Variants in PTPRO observed in about 807,000 individuals in gnomAD.
PTPRO encodes the protein receptor-type tyrosine-protein phosphatase O.
PTPRO carries 62 observed loss-of-function variants against 145.2 expected under a neutral mutation model. The observed-to-expected ratio is 0.43, with a 90% CI of 0.35 to 0.53. The LOEUF (loss-of-function observed/expected upper bound fraction) is 0.53, where lower values mean the gene tolerates loss of function less well. Ranked by LOEUF, PTPRO falls within the 20% of genes least tolerant of loss-of-function variation. PTPRO has a pLI of 0.01. For synonymous variants in PTPRO, 565 were observed against 514.7 expected, an observed-to-expected ratio of 1.10 and a Z score of -1.32; for missense variants, 1,345 against 1,482.7, an observed-to-expected ratio of 0.91 and a Z score of 1.53.
intron 22 of PTPRO, 99 bp downstream of exon 22, chr12:15,580,930 A>G: frequency 6.7e-7 from 1 of 1,489,636 alleles, no homozygotes; most frequent in Non-Finnish European, 9.3e-7. Flanking sequence ...AATAAAACAT[A>G]GAGACAAATC....
chr12:15,407,601 TA>T (rs2030283610), intron 1 of PTPRO, among the ~76,000 whole-genome samples: 1 of 148,700 alleles, frequency 6.7e-6, no homozygotes, highest in Non-Finnish European at 1.5e-5. Context: ...GTAACCAGCT[TA>T]TGTACTATAT....
intron 6 of PTPRO, among the ~76,000 whole-genome samples, chr12:15,507,410 A>AAAAT (rs201609031): frequency 0.31 from 38,606 of 122,670 alleles, 6,027 homozygotes; most frequent in Admixed American, 0.44. Flanking sequence ...ACTCCATCTC[A>AAAAT]AAATAAATAA....
intron 12 of PTPRO, among the ~76,000 whole-genome samples, chr12:15,545,215 G>A (rs181117571): frequency 6.6e-6 from 1 of 152,052 alleles, no homozygotes; most frequent in Admixed American, 6.5e-5. Context: ...AACAGACTTA[G>A]GAGAGTGGGG....
chr12:15,353,140 T>A (rs1396876409), intron 1 of PTPRO, among the ~76,000 whole-genome samples: 1 of 152,138 alleles, frequency 6.6e-6, no homozygotes, highest in African/African-American at 2.4e-5. Flanking sequence ...TATGTGCAGG[T>A]TACAATATCC....
chr12:15,404,188 C>CA (rs370733389), intron 1 of PTPRO, among the ~76,000 whole-genome samples: 11,071 of 49,472 alleles, frequency 0.22, 1,156 homozygotes, highest in Non-Finnish European at 0.27. Context: ...GACCCCATCT[C>CA]AAAAAAAAAA....
At chr12:15,462,789 G>A (rs1354578292) in intron 1 of PTPRO, among the ~76,000 whole-genome samples, 1 of 152,024 alleles carries the variant, frequency 6.6e-6, no homozygotes, top group East Asian at 1.9e-4. Context: ...TATTACAATT[G>A]TTATTATTCT....
chr12:15,588,259 G>A (rs2135667855), intron 24 of PTPRO, among the ~76,000 whole-genome samples: 1 of 152,318 alleles, frequency 6.6e-6, no homozygotes, highest in African/African-American at 2.4e-5. Context: ...GGAGGGAAGA[G>A]TTGTCTAGTA....
chr12:15,571,258 A>G (rs552050410), intron 19 of PTPRO, among the ~76,000 whole-genome samples: 11 of 152,112 alleles, frequency 7.2e-5, no homozygotes, highest in Non-Finnish European at 1.5e-4. Context: ...CAGTGAAACA[A>G]CAAACAACCT....
chr12:15,378,701 A>C (rs111929563), intron 1 of PTPRO, among the ~76,000 whole-genome samples: 1 of 152,160 alleles, frequency 6.6e-6, no homozygotes, highest in African/African-American at 2.4e-5. Context: ...AAATCATTCC[A>C]TGAAGCCAGT....
At chr12:15,342,017 C>G (rs902968611) in intron 1 of PTPRO, among the ~76,000 whole-genome samples, 3 of 152,186 alleles carry the variant, frequency 2.0e-5, no homozygotes, top group Non-Finnish European at 4.4e-5. Flanking sequence ...GTCTGCATCA[C>G]CTGTTTCATT....
chr12:15,349,514 A>G (rs533630301), intron 1 of PTPRO, among the ~76,000 whole-genome samples: 1 of 152,376 alleles, frequency 6.6e-6, no homozygotes, highest in East Asian at 1.9e-4. Flanking sequence ...CTGTTTTATA[A>G]TAGCCCCCAT....
chr12:15,370,870 A>G (rs1938506391), intron 1 of PTPRO, among the ~76,000 whole-genome samples: 1 of 152,220 alleles, frequency 6.6e-6, no homozygotes, highest in African/African-American at 2.4e-5. Context: ...TACTTAGGAT[A>G]TCAAAAGACT....
At position 15,524,929 on chromosome 12, in the gene PTPRO, G is replaced by A. The variant is rs767214558; in HGVS notation, c.2007G>A (p.Met669Ile). 1 of 1,614,020 alleles carries A rather than the reference G, an allele frequency of 6.2e-7. No individual in the cohort carries two copies. The highest frequency in any genetic ancestry group is 8.5e-7 in the Non-Finnish European group (1 of 1,179,956). The stretch of plus-strand genomic sequence containing the variant: ...CCCATTCTAGAATGCTTCACTGGAT[G>A]GTGGTTGCAGAAGGAAAAAAGAAAA... ...DLSHSRMLHW[M>I]VVAEGKKKIK... Residue 669 changes from methionine (M) to isoleucine (I), a missense_variant, in exon 11 of 27, where the codon ATG becomes ATA. Met to Ile is a conservative substitution (Grantham distance 10). Coordinates refer to ENST00000281171, the MANE Select transcript of PTPRO (RefSeq NM_030667.3).
chr12:15,368,766 T>A (rs532963292), intron 1 of PTPRO, among the ~76,000 whole-genome samples: 4 of 152,376 alleles, frequency 2.6e-5, no homozygotes, highest in Non-Finnish European at 4.4e-5. Context: ...AGATTTCACA[T>A]TGAGAATGTT....
chr12:15,521,717 G>A (rs1415340344), intron 10 of PTPRO, among the ~76,000 whole-genome samples: 1 of 152,142 alleles, frequency 6.6e-6, no homozygotes, highest in African/African-American at 2.4e-5. Context: ...GATTAGTAGA[G>A]CAAAACTTAA....
chr12:15,373,576 G>A (rs1938594175), intron 1 of PTPRO, among the ~76,000 whole-genome samples: 2 of 152,172 alleles, frequency 1.3e-5, no homozygotes, highest in Non-Finnish European at 2.9e-5. Context: ...TTTATGGACG[G>A]AAGTGTTTAA....
intron 1 of PTPRO, among the ~76,000 whole-genome samples, chr12:15,463,784 C>G (rs1329633956): frequency 6.6e-6 from 1 of 151,998 alleles, no homozygotes; most frequent in African/African-American, 2.4e-5. Context: ...TCTTTCATTT[C>G]TATAATACAA....
chr12:15,565,799 G>A (rs1345631742), intron 18 of PTPRO, among the ~76,000 whole-genome samples, 171 bp downstream of exon 18: 2 of 152,172 alleles, frequency 1.3e-5, no homozygotes, highest in Non-Finnish European at 2.9e-5. Flanking sequence ...AGTGGCAGTG[G>A]CCACTAGAAA....
intron 7 of PTPRO, among the ~76,000 whole-genome samples, chr12:15,513,230 G>GA (rs1565675993): frequency 9.3e-6 from 1 of 107,612 alleles, no homozygotes; most frequent in Non-Finnish European, 1.8e-5. Flanking sequence ...AGAAAGAAAA[G>GA]AAAGAAAGAG....
Sources: allele counts gnomAD v4.1 joint callset (sites outside exome capture counted in the v4.1 genomes callset), GRCh38; gene constraint gnomAD v4.1.1; transcripts MANE v1.5; gene names NCBI Gene and HGNC (gene_info 2026-07-23, HGNC 2026-07-21).